BIRC6: variants seen among roughly 807,000 people sequenced by gnomAD.
BIRC6 encodes the protein dual E2 ubiquitin-conjugating enzyme/E3 ubiquitin-protein ligase BIRC6.
BIRC6 carries 98 observed loss-of-function variants against 503.3 expected under a neutral mutation model. That is an observed-to-expected ratio of 0.19 (90% CI 0.17 to 0.23). The LOEUF is 0.23. Ranked by LOEUF, BIRC6 falls within the 10% of genes least tolerant of loss-of-function variation. The probability of loss-of-function intolerance (pLI) is 1.00; values close to 1 mark genes in which losing one functional copy is unlikely to be tolerated. For missense variants in BIRC6, 5,360 were observed against 5,806.0 expected (o/e 0.92, Z 2.50); for synonymous variants, 2,240 against 2,078.7 (o/e 1.08, Z -2.11).
Position 32,556,958 on chromosome 2 carries a change from A to AGAAG in BIRC6, c.13144+7479_13144+7480insAGGA, listed in dbSNP as rs1475833037. On this transcript the variant is annotated intron_variant, in intron 65 of 73. Transcript: ENST00000421745. The stretch of plus-strand genomic sequence containing the variant: ...CATCTCAAAAAACAAAAAGAAAGAA[A>AGAAG]GAGTTACTCCAGTTTACTTAGAGAA... Among the ~76,000 whole-genome samples the AGAAG allele has an allele frequency of 2.9e-4, 44 of 151,722 alleles. No homozygotes were observed. The East Asian group carries it at 3.3e-3, about 11-fold the overall frequency.
intron 57 of BIRC6, among the ~76,000 whole-genome samples, chr2:32,524,184 T>C (rs765501178): frequency 1.2e-4 from 18 of 152,228 alleles, no homozygotes; most frequent in Non-Finnish European, 2.5e-4. Context: ...TTATAATTTT[T>C]AGTGGTGTGC....
Position 32,415,497 on chromosome 2 carries a change from A to G in BIRC6, c.2206A>G (p.Ile736Val), listed in dbSNP as rs773123054. 16 of 1,613,914 alleles carry G rather than the reference A, an allele frequency of 9.9e-6. 1 individual carries two copies. The highest frequency in any genetic ancestry group is 2.2e-5 in the South Asian group (2 of 91,090). Residue 736 changes from isoleucine (I) to valine (V), a missense_variant, in exon 10 of 74, where the codon ATA becomes GTA. Coordinates refer to ENST00000421745, the MANE Select transcript of BIRC6 (RefSeq NM_016252.4). ...AEEENLCIDSITPCADGIHLL... is the reference protein window; with the variant it reads ...AEEENLCIDSVTPCADGIHLL... ...GGAGGAGAATCTTTGTATAGACTCA[A>G]TAACTCCTTGTGCTGACGGAATTCA... is the stretch of plus-strand genomic sequence containing the variant.
chr2:32,477,449 G>C lies in BIRC6; in HGVS notation c.6934G>C (p.Glu2312Gln), dbSNP rs1390660298. The C allele has an allele frequency of 1.2e-6, 2 of 1,614,004 alleles. No homozygotes were observed. Among genetic ancestry groups the C allele is most frequent in the Admixed American group, 1.7e-5 (1 of 60,026 alleles). ...NLDTEVTTAK[E>Q]SPEIEPLPFT... ...AGACACAGAAGTTACAACAGCAAAA[G>C]AAAGTCCTGAGATAGAACCACTTCC... is the stretch of plus-strand genomic sequence containing the variant. Residue 2312 changes from glutamate (E) to glutamine (Q), a missense_variant, in exon 35 of 74, where the codon GAA becomes CAA. Around this residue, in one of 16 missense-constraint regions of BIRC6, gnomAD observed 2,299 missense variants for 2,267.2 expected, o/e 1.01. Transcript: ENST00000421745.
intron 4 of BIRC6, 77 bp from the exon 5 acceptor site, chr2:32,391,961 AT>A: frequency 2.1e-6 from 2 of 963,716 alleles, no homozygotes; most frequent in Non-Finnish European, 1.5e-6. Context: ...CAGTAAAATT[AT>A]TTTTTGCATT....
intron 45 of BIRC6, 24 bp from the exon 46 acceptor site, chr2:32,499,523 G>GTCTC (rs145668508): frequency 3.6e-5 from 50 of 1,379,810 alleles, no homozygotes; most frequent in Middle Eastern, 1.9e-4. Context: ...CTCTTTTTCT[G>GTCTC]TCTCTCTCTC....
At chr2:32,532,173 T>TGTGTG in intron 61 of BIRC6, 1 of 68,972 alleles carries the variant, frequency 1.4e-5, no homozygotes, top group Non-Finnish European at 3.4e-5. Flanking sequence ...GTGTGTGTGG[T>TGTGTG]TATTTTGGTA....
At chr2:32,443,018 G>A (rs1178870310) in intron 19 of BIRC6, among the ~76,000 whole-genome samples, 1 of 152,030 alleles carries the variant, frequency 6.6e-6, no homozygotes, top group Non-Finnish European at 1.5e-5. Flanking sequence ...TATAAACTAG[G>A]CATAGTAAGA....
At chr2:32,504,856 G>A (rs2053626172) in intron 49 of BIRC6, 149 bp from the exon 50 acceptor site, 2 of 717,178 alleles carry the variant, frequency 2.8e-6, no homozygotes, top group African/African-American at 3.6e-5. Context: ...TACCTTTACG[G>A]TCATGCTTAG....
At position 32,597,816 on chromosome 2, in the gene BIRC6, A is replaced by T. The variant is rs1248208601; in HGVS notation, c.13678A>T (p.Met4560Leu). Residue 4560 changes from methionine (M) to leucine (L), a missense_variant, in exon 69 of 74, where the codon ATG becomes TTG. By Grantham distance (15) the Met-to-Leu change is conservative. Coordinates refer to ENST00000421745, the MANE Select transcript of BIRC6 (RefSeq NM_016252.4). Reference sequence around the variant, plus strand: ...GGGATTTAAAGTAAATTACCACTACATGTCTCAGGTGAAAAATGCTAATGA... The same window carrying T: ...GGGATTTAAAGTAAATTACCACTACTTGTCTCAGGTGAAAAATGCTAATGA... ...KLGFKVNYHY[M>L]SQVKNANDAN... The T allele has an allele frequency of 6.2e-7, 1 of 1,613,814 alleles. No individual in the cohort carries two copies. The highest frequency in any genetic ancestry group is 1.1e-5 in the South Asian group (1 of 91,076).
In BIRC6 at chr2:32,375,303, TAAGAGC is replaced by T. The variant is rs139681644; in HGVS notation, c.326-2283_326-2278del. Among the ~76,000 whole-genome samples, 1,162 of 152,300 alleles carry T rather than the reference TAAGAGC, an allele frequency of 7.6e-3. 7 individuals carry two copies. Among genetic ancestry groups the T allele is most frequent in the Middle Eastern group, 0.02 (6 of 294 alleles). On this transcript the variant is annotated intron_variant, in intron 1 of 73. Transcript: ENST00000421745. ...TTAGTATAGTATTGAATAGGAATGG[TAAGAGC>T]ATACATCCTTGTCTTGTTCCTGATC...
In BIRC6 at chr2:32,549,378, G is replaced by C. The variant is rs369249100; in HGVS notation, c.13041G>C (p.Glu4347Asp). ...AVNGEAQSSH[E>D]TRGQNSNALP... ...ATGGAGAAGCTCAGTCATCTCATGAGACTAGAGGGCAGAACAGTAATGCCC... is the reference window on the plus strand; with the variant it reads ...ATGGAGAAGCTCAGTCATCTCATGACACTAGAGGGCAGAACAGTAATGCCC... The change falls in exon 65 of 74, where the codon GAG (glutamate) becomes GAC (aspartate). Residue 4347 changes from glutamate (E) to aspartate (D), a missense_variant. Transcript: ENST00000421745. 5 of 1,514,146 alleles carry C rather than the reference G, an allele frequency of 3.3e-6. No homozygotes were observed. The African/African-American group carries it at 6.8e-5, about 21-fold the overall frequency. The allele number at this position is 1,514,146 out of a possible 1,614,324, so 93.8% of individuals were successfully genotyped here. A position where few individuals can be genotyped will look rare whatever the true frequency, so the allele number is the denominator to read the frequency against.
At chr2:32,504,884 C>G (rs2053629108) in intron 49 of BIRC6, 121 bp from the exon 50 acceptor site, 6 of 877,984 alleles carry the variant, frequency 6.8e-6, no homozygotes. Flanking sequence ...AGTGCATTAC[C>G]AGCATCAATT....
At chr2:32,467,424 G>T in intron 26 of BIRC6, 101 bp from the exon 27 acceptor site, 1 of 907,184 alleles carries the variant, frequency 1.1e-6, no homozygotes, top group Non-Finnish European at 1.7e-6. Flanking sequence ...AGTTTAGTGA[G>T]TTGCTTTCAT....
intron 39 of BIRC6, among the ~76,000 whole-genome samples, chr2:32,484,462 G>C (rs1009723713): frequency 4.7e-5 from 7 of 149,960 alleles, no homozygotes; most frequent in African/African-American, 1.7e-4. Context: ...TGAGGTAGGA[G>C]AATTGCTATA....
chr2:32,503,383 G>A (rs918747993), intron 49 of BIRC6, 147 bp downstream of exon 49: 7 of 711,280 alleles, frequency 9.8e-6, no homozygotes, highest in Non-Finnish European at 1.6e-5. Flanking sequence ...TGGATATCTC[G>A]ACATTCTACT....
In BIRC6 at chr2:32,448,815, C is replaced by A; in HGVS notation, c.4505C>A (p.Pro1502Gln). The A allele has an allele frequency of 6.2e-7, 1 of 1,611,662 alleles. No individual in the cohort carries two copies. Reference sequence around the variant, plus strand: ...TTCAGATATGGATTATATAGCTCACCATTTGATCCAGTCCTCTTTGATTTG... The same window carrying A: ...TTCAGATATGGATTATATAGCTCACAATTTGATCCAGTCCTCTTTGATTTG... Reference protein sequence around the residue: ...LQTRYGLYSSPFDPVLFDLEM... With the variant: ...LQTRYGLYSSQFDPVLFDLEM... The change falls in exon 22 of 74, where the codon CCA becomes CAA. Residue 1502 changes from proline (P) to glutamine (Q), a missense_variant. Transcript: ENST00000421745.
chr2:32,469,303 T>A lies in BIRC6; in HGVS notation c.6128-92T>A, dbSNP rs557641592. ...TAGAATATAATTATCTACTGATTAC[T>A]AGAAAAGAGGAAAGTGTATTTAGGC... On this transcript the variant is annotated intron_variant, in intron 29 of 73. Coordinates refer to ENST00000421745, the MANE Select transcript of BIRC6 (RefSeq NM_016252.4). The A allele has an allele frequency of 1.0e-3, 954 of 913,816 alleles. 2 individuals are homozygous for A. Among genetic ancestry groups the A allele is most frequent in the Non-Finnish European group, 1.4e-3 (877 of 612,520 alleles). The allele number at this position is 913,816 out of a possible 1,614,324, so 56.6% of individuals were successfully genotyped here.
rs1558662957 is a variant in BIRC6 at position 32,415,595 on chromosome 2, T to TTTAAATAAA, written c.2310_2318dup (p.Lys771_Asn773dup). ...TAAATCAAGTAGAGGCCTTGAATAA[T>TTTAAATAAA]TTAAATAAATTAAACTCTGCACTAT... On this transcript the variant is annotated inframe_insertion, in exon 10 of 74. Coordinates refer to ENST00000421745, the MANE Select transcript of BIRC6 (RefSeq NM_016252.4). 1.2e-6 allele frequency: 2 copies of TTTAAATAAA among 1,613,864 alleles called. No individual in the cohort carries two copies. The highest frequency in any genetic ancestry group is 1.3e-5 in the African/African-American group (1 of 75,048).
intron 1 of BIRC6, among the ~76,000 whole-genome samples, chr2:32,376,845 G>A (rs951191479): frequency 6.6e-6 from 1 of 152,072 alleles, no homozygotes; most frequent in Non-Finnish European, 1.5e-5. Context: ...ATGTGAATGT[G>A]GTCTCTCAGA....
Sources: gnomAD v4.1 joint callset for allele counts (sites outside exome capture counted in the v4.1 genomes callset) on GRCh38, gnomAD v4.1.1 for gene constraint, gnomAD v4.1.1 regional missense constraint, MANE v1.5 for transcripts, NCBI Gene and HGNC (gene_info 2026-07-23, HGNC 2026-07-21) for gene names.